ELAPOR2: variants seen among roughly 807,000 people sequenced by gnomAD.
The protein encoded by ELAPOR2 is endosome-lysosome associated apoptosis and autophagy regulator family member 2, also known as endosome/lysosome-associated apoptosis and autophagy regulator family member 2.
ELAPOR2 carries 89 observed loss-of-function variants against 120.7 expected under a neutral mutation model. The observed-to-expected ratio is 0.74, with a 90% CI of 0.62 to 0.88. ELAPOR2 has a LOEUF of 0.88. ELAPOR2 is among the 40% of genes least tolerant of loss of function. The pLI is 0.00. For synonymous variants in ELAPOR2, 444 were observed against 444.9 expected (o/e 1.00, Z 0.03); for missense variants, 1,134 against 1,251.6 (o/e 0.91, Z 1.42).
intron 21 of ELAPOR2, among the ~76,000 whole-genome samples, chr7:86,882,209 A>C (rs1799447318): frequency 6.6e-6 from 1 of 152,206 alleles, no homozygotes; most frequent in Admixed American, 6.5e-5. Context: ...TTTGTTAAGC[A>C]CCGTCTCTGT....
chr7:86,938,244 G>T (rs1045539468), intron 7 of ELAPOR2, 30 bp from the exon 8 acceptor site: 1 of 1,498,446 alleles, frequency 6.7e-7, no homozygotes, highest in South Asian at 1.2e-5. Flanking sequence ...TTTCAGAAAT[G>T]GGTCAATTAT....
chr7:87,009,655 T>C (rs916596803), intron 1 of ELAPOR2, among the ~76,000 whole-genome samples: 1 of 152,178 alleles, frequency 6.6e-6, no homozygotes, highest in Non-Finnish European at 1.5e-5. Context: ...AATAAAGATC[T>C]GCACCAAAAG....
intron 1 of ELAPOR2, among the ~76,000 whole-genome samples, chr7:86,975,756 A>C (rs540008321): frequency 6.6e-6 from 1 of 152,232 alleles, no homozygotes; most frequent in South Asian, 2.1e-4. Context: ...CACTCTGCCC[A>C]AAATATAAAA....
At chr7:86,977,743 T>C (rs1327873891) in intron 1 of ELAPOR2, among the ~76,000 whole-genome samples, 7 of 152,238 alleles carry the variant, frequency 4.6e-5, no homozygotes, top group African/African-American at 1.7e-4. Flanking sequence ...ATGAAGAGTT[T>C]AGAAAATAGT....
intron 1 of ELAPOR2, among the ~76,000 whole-genome samples, chr7:86,986,591 T>C (rs1469501193): frequency 2.0e-5 from 3 of 150,130 alleles, no homozygotes; most frequent in Non-Finnish European, 4.4e-5. Flanking sequence ...GAACTCCCAT[T>C]CACAATTGCT....
chr7:86,998,852 T>TTG (rs35849532), intron 1 of ELAPOR2, among the ~76,000 whole-genome samples: 2 of 55,262 alleles, frequency 3.6e-5, no homozygotes, highest in Non-Finnish European at 7.0e-5. Context: ...TAGTTCCTTG[T>TTG]TTTTTTTTTT....
At chr7:87,051,383 A>G (rs978885626) in intron 1 of ELAPOR2, among the ~76,000 whole-genome samples, 3 of 152,212 alleles carry the variant, frequency 2.0e-5, no homozygotes, top group Non-Finnish European at 2.9e-5. Context: ...CTCCTATAAA[A>G]TATTTTTGTA....
At chr7:87,029,504 T>C (rs1281306273) in intron 1 of ELAPOR2, among the ~76,000 whole-genome samples, 1 of 152,228 alleles carries the variant, frequency 6.6e-6, no homozygotes, top group African/African-American at 2.4e-5. Context: ...TTTTTCGCAA[T>C]TCTTTTTATA....
chr7:86,907,791 AT>A lies in ELAPOR2; in HGVS notation c.2457-21del. Reference sequence around the variant, plus strand: ...GAAGACCTATTGTAAGCCAAATAACATTTTTAAAAAACAGATATAATACAGA... The same window carrying A: ...GAAGACCTATTGTAAGCCAAATAACATTTTAAAAAACAGATATAATACAGA... On this transcript the variant is annotated intron_variant, in intron 17 of 21. Coordinates refer to ENST00000450689, the MANE Select transcript of ELAPOR2 (RefSeq NM_001142749.3). The A allele has an allele frequency of 6.9e-7, 1 of 1,443,668 alleles. No homozygotes were observed. Among genetic ancestry groups the A allele is most frequent in the Non-Finnish European group, 9.3e-7 (1 of 1,072,848 alleles). 89.4% of individuals were successfully genotyped at this position (1,443,668 alleles called of 1,614,324 possible).
At chr7:86,987,856 CA>C (rs1244299080) in intron 1 of ELAPOR2, among the ~76,000 whole-genome samples, 2 of 152,022 alleles carry the variant, frequency 1.3e-5, no homozygotes, top group African/African-American at 4.8e-5. Flanking sequence ...GGTATATACC[CA>C]AAGGATTATA....
At chr7:86,934,492 G>A (rs1276117972) in intron 8 of ELAPOR2, among the ~76,000 whole-genome samples, 1 of 151,772 alleles carries the variant, frequency 6.6e-6, no homozygotes, top group Non-Finnish European at 1.5e-5. Flanking sequence ...CCTCATCTAG[G>A]GTGACTGTTC....
At chr7:87,021,866 G>T (rs903236534) in intron 1 of ELAPOR2, among the ~76,000 whole-genome samples, 1 of 152,030 alleles carries the variant, frequency 6.6e-6, no homozygotes, top group African/African-American at 2.4e-5. Context: ...TTGGATTGGG[G>T]GCTATTCTTT....
At chr7:86,883,451 A>G (rs1266981736) in intron 21 of ELAPOR2, among the ~76,000 whole-genome samples, 1 of 152,214 alleles carries the variant, frequency 6.6e-6, no homozygotes, top group East Asian at 1.9e-4. Context: ...GTGCAACGAT[A>G]TTTATAGTAG....
At position 86,938,166 on chromosome 7, in the gene ELAPOR2, T is replaced by C. The variant is rs1275967878; in HGVS notation, c.1049A>G (p.Asp350Gly). 6.4e-7 allele frequency: 1 copy of C among 1,552,306 alleles called. No individual in the cohort carries two copies. The highest frequency in any genetic ancestry group is 8.7e-7 in the Non-Finnish European group (1 of 1,146,630). Residue 350 changes from aspartate (D) to glycine (G), a missense_variant, in exon 8 of 22, where the codon GAC (aspartate) becomes GGC (glycine). By Grantham distance (94) the Asp-to-Gly change is moderately conservative. This residue lies in a region of ELAPOR2 where 831 missense variants were observed against 867.6 expected (regional missense o/e 0.96). Coordinates refer to ENST00000450689, the MANE Select transcript of ELAPOR2 (RefSeq NM_001142749.3). ...CTERPPCTTK[D>G]YFQIHTPCDE... ...ACATGGAGTATGGATCTGGAAATAG[T>C]CTTTTGTGGTACAGGGAGGGCGCTC... is the stretch of plus-strand genomic sequence containing the variant.
intron 1 of ELAPOR2, among the ~76,000 whole-genome samples, chr7:86,976,036 A>G (rs565934083): frequency 6.6e-6 from 1 of 152,192 alleles, no homozygotes; most frequent in Admixed American, 6.5e-5. Context: ...TGAGAGGGAT[A>G]TCCATGTGCT....
chr7:86,886,075 A>G (rs1335432061), intron 21 of ELAPOR2, among the ~76,000 whole-genome samples: 2 of 152,128 alleles, frequency 1.3e-5, no homozygotes, highest in African/African-American at 2.4e-5. Context: ...AGAAGTCTCC[A>G]TATCAACAGC....
intron 1 of ELAPOR2, among the ~76,000 whole-genome samples, chr7:87,050,023 C>T (rs1480061338): frequency 6.6e-6 from 1 of 152,132 alleles, no homozygotes; most frequent in Non-Finnish European, 1.5e-5. Flanking sequence ...TGGCCTTTTA[C>T]CGTGGTACGA....
At chr7:86,911,836 T>C in intron 15 of ELAPOR2, 1 of 583,968 alleles carries the variant, frequency 1.7e-6, no homozygotes, top group South Asian at 1.9e-5. Flanking sequence ...AGCTCCAAGC[T>C]TCAGGTTTCA....
intron 1 of ELAPOR2, among the ~76,000 whole-genome samples, chr7:86,990,532 A>T (rs1327322364): frequency 1.3e-5 from 2 of 152,154 alleles, no homozygotes; most frequent in African/African-American, 4.8e-5. Context: ...GAAATTACTC[A>T]GTTTCAGGTA....
Sources: allele counts gnomAD v4.1 joint callset (sites outside exome capture counted in the v4.1 genomes callset), GRCh38; gene constraint gnomAD v4.1.1; regional missense constraint gnomAD v4.1.1; transcripts MANE v1.5; gene names NCBI Gene and HGNC (gene_info 2026-07-23, HGNC 2026-07-21).